The following LRRC28 variants were observed in gnomAD, a reference collection of about 807,000 sequenced individuals.
LRRC28 encodes leucine rich repeat containing 28.
A neutral mutation model predicts 45.7 loss-of-function variants in LRRC28; 39 were observed. The observed-to-expected ratio is 0.85, with a 90% confidence interval of 0.66 to 1.12. The LOEUF is 1.12. Among genes scored for constraint, LRRC28 ranks in the 50% most tolerant of loss-of-function variants. The pLI is 0.00. For synonymous variants in LRRC28, 206 were observed against 178.8 expected (o/e 1.15, Z -1.22); for missense variants, 435 against 438.5 (o/e 0.99, Z 0.07).
chr15:99,278,482 G>A (rs2081683495), intron 3 of LRRC28, among the ~76,000 whole-genome samples: 2 of 152,144 alleles, frequency 1.3e-5, no homozygotes, highest in Admixed American at 1.3e-4. Flanking sequence ...TCCTGACCTT[G>A]TGATCCACCT....
intron 5 of LRRC28, among the ~76,000 whole-genome samples, chr15:99,312,272 A>G (rs1294808623): frequency 6.6e-6 from 1 of 152,234 alleles, no homozygotes; most frequent in Non-Finnish European, 1.5e-5. Context: ...GCAGCATGGT[A>G]CTATACTGAA....
intron 2 of LRRC28, among the ~76,000 whole-genome samples, chr15:99,266,026 A>G (rs1347962189): frequency 6.6e-6 from 1 of 152,186 alleles, no homozygotes; most frequent in Non-Finnish European, 1.5e-5. Flanking sequence ...AATTTTAATG[A>G]AAGAGGGGAG....
intron 2 of LRRC28, among the ~76,000 whole-genome samples, chr15:99,267,557 C>T (rs1007839586): frequency 1.3e-5 from 2 of 152,026 alleles, no homozygotes; most frequent in Non-Finnish European, 2.9e-5. Context: ...TGAGCTAGCT[C>T]TGTATAAAAG....
At chr15:99,318,274 A>G (rs1264547112) in intron 5 of LRRC28, among the ~76,000 whole-genome samples, 1 of 150,200 alleles carries the variant, frequency 6.7e-6, no homozygotes, top group East Asian at 1.9e-4. Context: ...TAGGAAACTC[A>G]AATTTTTAGA....
At position 99,284,783 on chromosome 15, in the gene LRRC28, G is replaced by A. The variant is rs943165650; in HGVS notation, c.210-2474G>A. On this transcript the variant is annotated intron_variant, in intron 3 of 9. Transcript: ENST00000301981. ...GTTCAAAATTTGAAGACTGACTATT[G>A]CAATTGTCAAAATCATTGTAGCTTC... 9.4e-6 allele frequency: 5 copies of A among 533,994 alleles called. No homozygotes were observed. The African/African-American group carries it at 9.6e-5, about 10-fold the overall frequency. 33.1% of individuals were successfully genotyped at this position (533,994 alleles called of 1,614,324 possible). A position where few individuals can be genotyped will look rare whatever the true frequency, so the allele number is the denominator to read the frequency against.
At chr15:99,304,511 A>G (rs1241305012) in intron 5 of LRRC28, among the ~76,000 whole-genome samples, 1 of 151,658 alleles carries the variant, frequency 6.6e-6, no homozygotes, top group Non-Finnish European at 1.5e-5. Flanking sequence ...GCTCACTGCA[A>G]CCTCTGCCTC....
chr15:99,321,321 GTTA>G (rs1467844251), intron 5 of LRRC28, among the ~76,000 whole-genome samples: 1 of 152,126 alleles, frequency 6.6e-6, no homozygotes, highest in Non-Finnish European at 1.5e-5. Flanking sequence ...ATTTAGTTAT[GTTA>G]TTGTATAGTC....
At chr15:99,299,505 A>G (rs928408335) in intron 5 of LRRC28, among the ~76,000 whole-genome samples, 1 of 152,218 alleles carries the variant, frequency 6.6e-6, no homozygotes. Context: ...AATATACAGA[A>G]TGTTTTATTT....
chr15:99,366,601 A>G (rs764821290), intron 9 of LRRC28, among the ~76,000 whole-genome samples: 13 of 152,116 alleles, frequency 8.5e-5, no homozygotes, highest in Non-Finnish European at 1.5e-4. Context: ...CCAACTTCTC[A>G]TCGTCTCCTT....
chr15:99,331,622 C>T (rs1956160941), intron 5 of LRRC28, among the ~76,000 whole-genome samples: 3 of 152,142 alleles, frequency 2.0e-5, no homozygotes, highest in Admixed American at 2.0e-4. Context: ...ATGTCATATT[C>T]TCACAATAGC....
Position 99,387,275 on chromosome 15 carries a change from T to C in LRRC28, c.*1173T>C, listed in dbSNP as rs1347369380. 2 of 151,704 alleles carry C rather than the reference T, an allele frequency of 1.3e-5. No homozygotes were observed. The highest frequency in any genetic ancestry group is 2.9e-5 in the Non-Finnish European group (2 of 67,926). The allele number at this position is 151,704 out of a possible 1,614,324, so 9.4% of individuals were successfully genotyped here. On this transcript the variant is annotated 3_prime_UTR_variant, in exon 10 of 10. Transcript: ENST00000301981. ...CGGGGTTTCACCGTGTTAGCCGGGA[T>C]GGTCTCGATCTCCTGACCTCGTGAT...
chr15:99,307,464 T>C lies in LRRC28; in HGVS notation c.385+19513T>C, dbSNP rs28695849. The stretch of plus-strand genomic sequence containing the variant: ...TGAAAATAGTTTTTAGAAAGATCTA[T>C]TCCTCTCCTTTTGAATATCTGAATA... On this transcript the variant is annotated intron_variant, in intron 5 of 9. Coordinates refer to ENST00000301981, the MANE Select transcript of LRRC28 (RefSeq NM_144598.5). Among the ~76,000 whole-genome samples, 440 of 152,364 alleles carry C rather than the reference T, an allele frequency of 2.9e-3. 6 individuals are homozygous for C. Among genetic ancestry groups the C allele is most frequent in the African/African-American group, 9.9e-3 (410 of 41,588 alleles).
chr15:99,382,521 T>C (rs80038302), intron 9 of LRRC28, among the ~76,000 whole-genome samples: 1 of 152,256 alleles, frequency 6.6e-6, no homozygotes, highest in Non-Finnish European at 1.5e-5. Flanking sequence ...AATTAAGTTG[T>C]TTAATTTCAA....
At chr15:99,292,655 C>T (rs2082155415) in intron 5 of LRRC28, among the ~76,000 whole-genome samples, 1 of 152,204 alleles carries the variant, frequency 6.6e-6, no homozygotes, top group Non-Finnish European at 1.5e-5. Context: ...TGAGCCACCG[C>T]GCCCAGCCTC....
At chr15:99,385,213 C>T (rs1486866938) in intron 9 of LRRC28, among the ~76,000 whole-genome samples, 1 of 152,178 alleles carries the variant, frequency 6.6e-6, no homozygotes, top group Non-Finnish European at 1.5e-5. Flanking sequence ...CTGCTGGTGC[C>T]TCTCGCTGGC....
intron 9 of LRRC28, among the ~76,000 whole-genome samples, chr15:99,374,343 CT>C (rs1001716720): frequency 6.6e-6 from 1 of 152,120 alleles, no homozygotes; most frequent in Non-Finnish European, 1.5e-5. Flanking sequence ...AAATATTTCA[CT>C]TTTTTGTGTG....
chr15:99,367,231 TG>T (rs1321365971), intron 9 of LRRC28, among the ~76,000 whole-genome samples: 3 of 152,228 alleles, frequency 2.0e-5, no homozygotes, highest in African/African-American at 7.2e-5. Context: ...TTTGTTAGAG[TG>T]GCTCACAGAG....
In LRRC28 at chr15:99,259,942, CAAA is replaced by C; in HGVS notation, c.168+3818_168+3820del. 1.5e-5 allele frequency: 10 copies of C among 673,878 alleles called. No individual in the cohort carries two copies. In the South Asian group the frequency reaches 1.5e-4, roughly 10 times the overall value. 41.7% of individuals were successfully genotyped at this position (673,878 alleles called of 1,614,324 possible). A position where few individuals can be genotyped will look rare whatever the true frequency, so the allele number is the denominator to read the frequency against. ...CAGAAGACAAAGAGCAAGACAAAGA[CAAA>C]GAAATGGATGTGGGAACAGATGAAG... On this transcript the variant is annotated intron_variant, in intron 2 of 9. Coordinates refer to ENST00000301981, the MANE Select transcript of LRRC28 (RefSeq NM_144598.5).
chr15:99,260,798 G>T (rs1329635549), intron 2 of LRRC28, among the ~76,000 whole-genome samples: 2 of 152,212 alleles, frequency 1.3e-5, no homozygotes, highest in African/African-American at 4.8e-5. Flanking sequence ...TGGGGAAAAC[G>T]TTGAAAATAT....
Sources: allele counts gnomAD v4.1 joint callset (sites outside exome capture counted in the v4.1 genomes callset), GRCh38; gene constraint gnomAD v4.1.1; transcripts MANE v1.5; gene names NCBI Gene and HGNC (gene_info 2026-07-23, HGNC 2026-07-21).